The following NAPEPLD variants were observed in gnomAD, a reference collection of about 807,000 sequenced individuals.
NAPEPLD encodes N-acyl phosphatidylethanolamine phospholipase D, also known as N-acyl-phosphatidylethanolamine-hydrolyzing phospholipase D.
Under a neutral mutation model 38.1 loss-of-function variants are expected in NAPEPLD, and 23 were observed. The observed-to-expected ratio is 0.60, with a 90% CI of 0.43 to 0.86. The LOEUF is 0.86. Ranked by LOEUF, NAPEPLD falls within the 40% of genes least tolerant of loss-of-function variation. NAPEPLD has a pLI of 0.00. For missense variants in NAPEPLD, 411 were observed against 476.8 expected, an observed-to-expected ratio of 0.86 and a Z score of 1.28; for synonymous variants, 147 against 162.0, an observed-to-expected ratio of 0.91 and a Z score of 0.71.
intron 1 of NAPEPLD, among the ~76,000 whole-genome samples, chr7:103,144,732 G>T (rs1026713552): frequency 1.3e-5 from 2 of 151,802 alleles, no homozygotes; most frequent in Non-Finnish European, 2.9e-5. Flanking sequence ...CTTAGGCCAG[G>T]TGTGGTGGCT....
Position 103,103,401 on chromosome 7 carries a change from T to C in NAPEPLD, c.*28A>G. Reference sequence around the variant, plus strand: ...TTTTTAAACTTAGATGATGCCTTTTTCATTAAAAGTGCCTGTGCTCACATT... The same window carrying C: ...TTTTTAAACTTAGATGATGCCTTTTCCATTAAAAGTGCCTGTGCTCACATT... On this transcript the variant is annotated 3_prime_UTR_variant, in exon 5 of 5. Coordinates refer to ENST00000465647, the MANE Select transcript of NAPEPLD (RefSeq NM_001122838.3). 1 of 1,519,058 alleles carries C rather than the reference T, an allele frequency of 6.6e-7. No homozygotes were observed. Among genetic ancestry groups the C allele is most frequent in the Non-Finnish European group, 8.8e-7 (1 of 1,137,652 alleles). The allele number at this position is 1,519,058 out of a possible 1,614,324, so 94.1% of individuals were successfully genotyped here. A position where few individuals can be genotyped will look rare whatever the true frequency, so the allele number is the denominator to read the frequency against.
intron 4 of NAPEPLD, among the ~76,000 whole-genome samples, chr7:103,108,134 CTTTTTTTTTTTTT>C (rs56793237): frequency 6.8e-5 from 8 of 117,526 alleles, no homozygotes; most frequent in Non-Finnish European, 8.9e-5. Flanking sequence ...ATTCAACATT[CTTTTTTTTTTTTT>C]TTTTTTTTTT....
chr7:103,105,488 T>G (rs1803125673), intron 4 of NAPEPLD, among the ~76,000 whole-genome samples: 1 of 152,246 alleles, frequency 6.6e-6, no homozygotes, highest in African/African-American at 2.4e-5. Context: ...GTTTTAGTGC[T>G]TAAATATATG....
Position 103,103,128 on chromosome 7 carries a change from A to C in NAPEPLD, c.*301T>G, listed in dbSNP as rs754684854. 5.2e-4 allele frequency: 93 copies of C among 178,826 alleles called. No homozygotes were observed. Among genetic ancestry groups the C allele is most frequent in the Non-Finnish European group, 9.5e-4 (82 of 86,162 alleles). The allele number at this position is 178,826 out of a possible 1,614,324, so 11.1% of individuals were successfully genotyped here. A position where few individuals can be genotyped will look rare whatever the true frequency, so the allele number is the denominator to read the frequency against. On this transcript the variant is annotated 3_prime_UTR_variant, in exon 5 of 5. Transcript: ENST00000465647. ...GTTTTTCACCTCAGGAAATTCTAGT[A>C]CCACAAAAATATAATGTTTTAGTAA...
chr7:103,126,083 G>C (rs115254713), intron 2 of NAPEPLD, among the ~76,000 whole-genome samples: 2 of 152,060 alleles, frequency 1.3e-5, no homozygotes, highest in East Asian at 3.9e-4. Context: ...AGGGTCACTA[G>C]AGCCCGGGAG....
chr7:103,129,330 T>C, intron 1 of NAPEPLD: 1 of 984,940 alleles, frequency 1.0e-6, no homozygotes, highest in Non-Finnish European at 1.2e-6. Context: ...TTATCTCCTG[T>C]AATCCAAAAC....
chr7:103,120,351 A>T, intron 2 of NAPEPLD, 128 bp from the exon 3 acceptor site: 1 of 963,460 alleles, frequency 1.0e-6, no homozygotes, highest in Non-Finnish European at 1.5e-6. Context: ...CATTCAATAA[A>T]CTTGCTACAC....
At chr7:103,131,698 C>T (rs1474535217) in intron 1 of NAPEPLD, among the ~76,000 whole-genome samples, 2 of 151,056 alleles carry the variant, frequency 1.3e-5, no homozygotes, top group Non-Finnish European at 2.9e-5. Flanking sequence ...TTGTGAAAGT[C>T]GAGACTATAG....
chr7:103,121,202 A>C (rs1490222365), intron 2 of NAPEPLD, among the ~76,000 whole-genome samples: 2 of 152,218 alleles, frequency 1.3e-5, no homozygotes, highest in Admixed American at 1.3e-4. Context: ...AAATGGATAT[A>C]AAACAATAAC....
chr7:103,128,417 G>T, intron 2 of NAPEPLD, 66 bp downstream of exon 2: 4 of 1,554,082 alleles, frequency 2.6e-6, no homozygotes, highest in Non-Finnish European at 3.5e-6. Context: ...ATATACAAGG[G>T]CTCAAATAAC....
intron 4 of NAPEPLD, among the ~76,000 whole-genome samples, chr7:103,109,269 C>A (rs947679900): frequency 6.6e-6 from 1 of 152,164 alleles, no homozygotes. Flanking sequence ...TCTCCACCCC[C>A]AAATCAACAG....
At chr7:103,107,223 C>T (rs1308804148) in intron 4 of NAPEPLD, among the ~76,000 whole-genome samples, 1 of 152,074 alleles carries the variant, frequency 6.6e-6, no homozygotes, top group Non-Finnish European at 1.5e-5. Context: ...AAAGGACGTC[C>T]ACTCATAGAG....
intron 1 of NAPEPLD, chr7:103,148,023 T>C: frequency 2.0e-6 from 2 of 984,464 alleles, no homozygotes; most frequent in Non-Finnish European, 1.2e-6. Flanking sequence ...TATTGTGGGA[T>C]ATAGGTAATC....
chr7:103,149,685 C>G (rs1260174727), upstream of NAPEPLD: 2 of 268,824 alleles, frequency 7.4e-6, no homozygotes, highest in Non-Finnish European at 1.5e-5. Flanking sequence ...CTCAAACACT[C>G]TGCAGGGACC....
intron 2 of NAPEPLD, chr7:103,128,135 A>G (rs984746798): frequency 3.8e-6 from 1 of 264,152 alleles, no homozygotes; most frequent in Non-Finnish European, 7.2e-6. Flanking sequence ...GACCTTGTTC[A>G]TGCCATCATC....
chr7:103,149,180 G>A, upstream of NAPEPLD: 1 of 991,394 alleles, frequency 1.0e-6, no homozygotes, highest in Non-Finnish European at 1.2e-6. Flanking sequence ...CGCCTCCCGC[G>A]AGGTCCAACA....
intron 1 of NAPEPLD, chr7:103,141,260 TTTTTTGCAAGCAGATAAAGGCTTA>T: frequency 3.2e-5 from 8 of 252,806 alleles, no homozygotes; most frequent in Non-Finnish European, 5.2e-5. Flanking sequence ...TTTTTTTTTT[TTTTTTGCAAGCAGATAAAGGCTTA>T]TTTTACTTTA....
At chr7:103,147,981 G>C in intron 1 of NAPEPLD, 2 of 981,674 alleles carry the variant, frequency 2.0e-6, no homozygotes, top group Non-Finnish European at 2.4e-6. Context: ...TTCTTTAACA[G>C]ACCCAGTATT....
At chr7:103,107,050 G>A (rs1466505518) in intron 4 of NAPEPLD, among the ~76,000 whole-genome samples, 1 of 152,174 alleles carries the variant, frequency 6.6e-6, no homozygotes, top group African/African-American at 2.4e-5. Context: ...GCTTGCAGAG[G>A]AAGAAACAGG....
Sources: allele counts gnomAD v4.1 joint callset (sites outside exome capture counted in the v4.1 genomes callset), GRCh38; gene constraint gnomAD v4.1.1; transcripts MANE v1.5; gene names NCBI Gene and HGNC (gene_info 2026-07-23, HGNC 2026-07-21).